The following TSC22D1 variants were observed in gnomAD, a reference collection of about 807,000 sequenced individuals.
TSC22D1 encodes TSC22 domain family protein 1.
Under a neutral mutation model 74.2 loss-of-function variants are expected in TSC22D1, and 9 were observed. That is an observed-to-expected ratio of 0.12 (90% confidence interval 0.07 to 0.21). The LOEUF is 0.21. TSC22D1 is among the 10% of genes least tolerant of loss of function. The pLI, the probability that TSC22D1 is intolerant of heterozygous loss-of-function variation, is 1.00. For synonymous variants in TSC22D1, 586 were observed against 492.5 expected (o/e 1.19, Z -2.51); for missense variants, 1,427 against 1,304.7 (o/e 1.09, Z -1.44).
intron 1 of TSC22D1, among the ~76,000 whole-genome samples, chr13:44,553,814 T>C (rs76286170): frequency 0.034 from 5,173 of 152,250 alleles, 263 homozygotes; most frequent in African/African-American, 0.11. Flanking sequence ...GCGAAAGAAT[T>C]AATCCCTGAT....
Position 44,437,189 on chromosome 13 carries a change from A to G in TSC22D1, c.2913-1094T>C, listed in dbSNP as rs1566110748. 4.1e-6 allele frequency: 4 copies of G among 985,546 alleles called. No homozygotes were observed. In the East Asian group the frequency reaches 3.4e-4, roughly 84 times the overall value. 61.1% of individuals were successfully genotyped at this position (985,546 alleles called of 1,614,324 possible). On this transcript the variant is annotated intron_variant, in intron 1 of 2. Transcript: ENST00000458659. ...ACACGTGCTTACGTTTAAGGGAGTCAGACCCCGGTCCCCGGAGCTGTGTCC... is the reference window on the plus strand; with the variant it reads ...ACACGTGCTTACGTTTAAGGGAGTCGGACCCCGGTCCCCGGAGCTGTGTCC...
intron 1 of TSC22D1, among the ~76,000 whole-genome samples, chr13:44,490,700 C>A (rs911886445): frequency 2.6e-5 from 4 of 151,972 alleles, no homozygotes; most frequent in African/African-American, 7.2e-5. Context: ...GAGTTCGAGA[C>A]CAGCCTGACC....
At chr13:44,576,862 C>A (rs1884287900), upstream of TSC22D1, among the ~76,000 whole-genome samples, 1 of 151,694 alleles carries the variant, frequency 6.6e-6, no homozygotes, top group African/African-American at 2.4e-5. Flanking sequence ...AGCGGGAGCC[C>A]AGGGACCGCT....
intron 1 of TSC22D1, among the ~76,000 whole-genome samples, chr13:44,454,236 T>C (rs1199819622): frequency 6.6e-6 from 1 of 152,206 alleles, no homozygotes; most frequent in Non-Finnish European, 1.5e-5. Flanking sequence ...AGTTATGTTA[T>C]ATGAAGAGAT....
chr13:44,478,984 C>T (rs1236072337), intron 1 of TSC22D1, among the ~76,000 whole-genome samples: 1 of 151,954 alleles, frequency 6.6e-6, no homozygotes. Flanking sequence ...GGCTCTCTAT[C>T]CTGTATCATC....
chr13:44,490,939 T>A (rs1032672881), intron 1 of TSC22D1, among the ~76,000 whole-genome samples: 39 of 148,252 alleles, frequency 2.6e-4, no homozygotes, highest in Admixed American at 2.0e-3. Context: ...TTAAAAAAAA[T>A]ATATATACAT....
In TSC22D1 at chr13:44,434,475, T is replaced by C; in HGVS notation, c.*151A>G. Reference sequence around the variant, plus strand: ...AAGCCATAAGCATATGAGTGTTTAATACTGGAAAAGAGATAATGGCATATG... The same window carrying C: ...AAGCCATAAGCATATGAGTGTTTAACACTGGAAAAGAGATAATGGCATATG... On this transcript the variant is annotated 3_prime_UTR_variant, in exon 3 of 3. Transcript: ENST00000458659. 7.2e-7 allele frequency: 1 copy of C among 1,387,280 alleles called. No individual in the cohort carries two copies. Among genetic ancestry groups the C allele is most frequent in the South Asian group, 1.8e-5 (1 of 54,120 alleles). The allele number at this position is 1,387,280 out of a possible 1,614,324, so 85.9% of individuals were successfully genotyped here. A position where few individuals can be genotyped will look rare whatever the true frequency, so the allele number is the denominator to read the frequency against.
At chr13:44,478,366 C>G (rs1878021647) in intron 1 of TSC22D1, among the ~76,000 whole-genome samples, 3 of 152,130 alleles carry the variant, frequency 2.0e-5, no homozygotes, top group African/African-American at 7.2e-5. Context: ...CATGATAACT[C>G]TAACTTTGTT....
chr13:44,473,078 AT>A (rs1006330962), intron 1 of TSC22D1, among the ~76,000 whole-genome samples: 2 of 152,212 alleles, frequency 1.3e-5, no homozygotes, highest in African/African-American at 4.8e-5. Context: ...TTAAAACGGA[AT>A]TGCAGACCCA....
chr13:44,436,547 A>C, intron 1 of TSC22D1: 1 of 1,614,218 alleles, frequency 6.2e-7, no homozygotes, highest in Non-Finnish European at 8.5e-7. Context: ...CCCAGCAAGG[A>C]TGACAAGAAA....
At position 44,500,323 on chromosome 13, in the gene TSC22D1, T is replaced by A. The variant is rs1421061161; in HGVS notation, c.2913-64228A>T. On this transcript the variant is annotated intron_variant, in intron 1 of 2. Transcript: ENST00000458659. ...AGAAATCCTTTAAAAAAACCTCATA[T>A]ACACACTTGGCTAATTATTAGCCAG... Among the ~76,000 whole-genome samples the A allele has an allele frequency of 5.9e-5, 9 of 152,284 alleles. No individual in the cohort carries two copies. The East Asian group carries it at 7.7e-4, about 13-fold the overall frequency.
At chr13:44,452,183 GTAAC>G (rs1469603321) in intron 1 of TSC22D1, among the ~76,000 whole-genome samples, 1 of 152,136 alleles carries the variant, frequency 6.6e-6, no homozygotes, top group African/African-American at 2.4e-5. Context: ...GTAACGAGAA[GTAAC>G]TAACAAGTCA....
intron 1 of TSC22D1, among the ~76,000 whole-genome samples, chr13:44,534,330 C>A (rs1329360179): frequency 6.7e-6 from 1 of 148,166 alleles, no homozygotes; most frequent in African/African-American, 2.5e-5. Context: ...CTACTGCACT[C>A]CAGCCTAGGT....
chr13:44,575,139 T>C lies in TSC22D1; in HGVS notation c.936A>G (p.Thr312=). ...CAGCAGTAATGTTAACATTATTTAC[T>C]GTACTAGTGCCAGTAACAGAATTTA... The part of the protein sequence containing the change: ...IGINSVTGTS[T]VNNVNITAVG... The change falls in exon 1 of 3, where the codon ACA becomes ACG. Residue 312 remains threonine, a synonymous_variant. Coordinates refer to ENST00000458659, the MANE Select transcript of TSC22D1 (RefSeq NM_183422.4). 6.2e-7 allele frequency: 1 copy of C among 1,614,234 alleles called. No individual in the cohort carries two copies. The highest frequency in any genetic ancestry group is 1.1e-5 in the South Asian group (1 of 91,084).
At chr13:44,539,384 T>C (rs1881331367) in intron 1 of TSC22D1, 2 of 985,234 alleles carry the variant, frequency 2.0e-6, no homozygotes, top group African/African-American at 1.7e-5. Flanking sequence ...CTGTATAAAT[T>C]AGACTTCAAA....
chr13:44,565,429 T>A (rs1352964329), intron 1 of TSC22D1, among the ~76,000 whole-genome samples: 1 of 152,154 alleles, frequency 6.6e-6, no homozygotes, highest in Non-Finnish European at 1.5e-5. Flanking sequence ...TCAAATTGAC[T>A]GGTAAAGAAG....
In TSC22D1 at chr13:44,573,673, G is replaced by A. The variant is rs1198824839; in HGVS notation, c.2402C>T (p.Pro801Leu). ...TACTGGTTCTACTCCTTGTGGCTGG[G>A]GAGGCACAGTTAACAAGGAACTTTG... ...ASQSSLLTVP[P>L]QPQGVEPVAQ... Residue 801 changes from proline to leucine, a missense_variant, in exon 1 of 3, where the codon CCC becomes CTC. By Grantham distance (98) the Pro-to-Leu change is moderately conservative. This residue lies in a region of TSC22D1 where 1,343 missense variants were observed against 1,191.5 expected (regional missense o/e 1.13). Coordinates refer to ENST00000458659, the MANE Select transcript of TSC22D1 (RefSeq NM_183422.4). 6.2e-7 allele frequency: 1 copy of A among 1,614,232 alleles called. No individual in the cohort carries two copies. Among genetic ancestry groups the A allele is most frequent in the Non-Finnish European group, 8.5e-7 (1 of 1,180,046 alleles).
At chr13:44,551,402 G>GTA (rs1389408725) in intron 1 of TSC22D1, among the ~76,000 whole-genome samples, 1 of 149,304 alleles carries the variant, frequency 6.7e-6, no homozygotes, top group African/African-American at 2.5e-5. Context: ...GTGTGTGTGT[G>GTA]TGTGTGTGTG....
intron 1 of TSC22D1, among the ~76,000 whole-genome samples, chr13:44,553,732 T>C (rs1391476831): frequency 6.6e-6 from 1 of 152,238 alleles, no homozygotes; most frequent in East Asian, 1.9e-4. Flanking sequence ...AACTTATGTT[T>C]TTGTGAATTT....
Sources: allele counts gnomAD v4.1 joint callset (sites outside exome capture counted in the v4.1 genomes callset), GRCh38; gene constraint gnomAD v4.1.1; regional missense constraint gnomAD v4.1.1; transcripts MANE v1.5; gene names NCBI Gene and HGNC (gene_info 2026-07-23, HGNC 2026-07-21).